NLGN1: variants seen among roughly 807,000 people sequenced by gnomAD.
NLGN1 encodes the protein neuroligin 1, also known as neuroligin-1.
In NLGN1, 12 loss-of-function variants were observed where a neutral mutation model predicts 65.5. That is an observed-to-expected ratio of 0.18 (90% CI 0.12 to 0.30). The LOEUF (loss-of-function observed/expected upper bound fraction) is 0.30. NLGN1 is among the 10% of genes least tolerant of loss of function. NLGN1 has a pLI of 1.00. For synonymous variants in NLGN1, 350 were observed against 359.5 expected (o/e 0.97, Z 0.30); for missense variants, 750 against 1,007.1 (o/e 0.74, Z 3.46).
intron 3 of NLGN1, among the ~76,000 whole-genome samples, chr3:173,742,168 A>G (rs1022656833): frequency 5.3e-5 from 8 of 152,236 alleles, no homozygotes; most frequent in South Asian, 2.1e-4. Flanking sequence ...TTAAGAATGT[A>G]TAGTATATCT....
At chr3:173,685,686 C>T (rs1764582934) in intron 3 of NLGN1, 2 of 985,118 alleles carry the variant, frequency 2.0e-6, no homozygotes, top group African/African-American at 3.5e-5. Context: ...TGTAAGGACT[C>T]AAATCCAGGA....
chr3:173,624,829 A>G (rs1234097841), intron 3 of NLGN1, among the ~76,000 whole-genome samples: 3 of 105,540 alleles, frequency 2.8e-5, no homozygotes, highest in African/African-American at 9.4e-5. Flanking sequence ...GAAGATGACG[A>G]TTTATAATTG....
intron 3 of NLGN1, among the ~76,000 whole-genome samples, chr3:173,690,007 G>A (rs978380145): frequency 2.0e-5 from 3 of 152,128 alleles, no homozygotes; most frequent in African/African-American, 7.2e-5. Flanking sequence ...GAAGTTTGAA[G>A]AGATTGAGTG....
intron 2 of NLGN1, among the ~76,000 whole-genome samples, chr3:173,529,023 A>G (rs7652570): frequency 0.05 from 7,605 of 152,280 alleles, 230 homozygotes; most frequent in Middle Eastern, 0.17. Context: ...ACATGGTACC[A>G]GAATTCTTAT....
At chr3:173,599,326 G>A (rs1337626572) in intron 2 of NLGN1, among the ~76,000 whole-genome samples, 4 of 152,100 alleles carry the variant, frequency 2.6e-5, no homozygotes, top group African/African-American at 9.7e-5. Flanking sequence ...AGCAGAAGAA[G>A]GATATGCATT....
intron 4 of NLGN1, among the ~76,000 whole-genome samples, chr3:174,007,039 G>A (rs937381987): frequency 7.2e-5 from 11 of 152,132 alleles, no homozygotes; most frequent in African/African-American, 2.4e-4. Context: ...TTGCACTGCA[G>A]CCAGTGTGAC....
At chr3:173,882,822 G>A (rs529824090) in intron 4 of NLGN1, among the ~76,000 whole-genome samples, 1 of 152,176 alleles carries the variant, frequency 6.6e-6, no homozygotes, top group Admixed American at 6.5e-5. Context: ...TCACAACTGG[G>A]CTGTTTAGTG....
chr3:173,470,830 A>G (rs1576847556), intron 2 of NLGN1, among the ~76,000 whole-genome samples: 1 of 152,130 alleles, frequency 6.6e-6, no homozygotes, highest in African/African-American at 2.4e-5. Context: ...TCATCTTCAT[A>G]TCTCCAGCCT....
intron 3 of NLGN1, among the ~76,000 whole-genome samples, chr3:173,758,635 T>C (rs1777487059): frequency 6.6e-6 from 1 of 152,008 alleles, no homozygotes; most frequent in South Asian, 2.1e-4. Flanking sequence ...GCTCTGACTT[T>C]TGTAACATAT....
At chr3:174,217,148 A>G (rs1303205515) in intron 4 of NLGN1, among the ~76,000 whole-genome samples, 1 of 152,090 alleles carries the variant, frequency 6.6e-6, no homozygotes, top group Admixed American at 6.6e-5. Context: ...AGTGGTTTTC[A>G]GCTTGTGACA....
chr3:173,853,364 T>A (rs550859039), intron 4 of NLGN1, among the ~76,000 whole-genome samples: 1 of 152,338 alleles, frequency 6.6e-6, no homozygotes, highest in African/African-American at 2.4e-5. Context: ...CTAGCTTCAG[T>A]GCATCTGAAA....
At chr3:174,197,349 G>A (rs778411299) in intron 4 of NLGN1, among the ~76,000 whole-genome samples, 31 of 151,916 alleles carry the variant, frequency 2.0e-4, no homozygotes, top group Admixed American at 1.2e-3. Context: ...GAACCAAGCC[G>A]TCTTGGTGGA....
chr3:173,673,300 T>C (rs188271895), intron 3 of NLGN1, among the ~76,000 whole-genome samples: 91 of 152,350 alleles, frequency 6.0e-4, no homozygotes, highest in Admixed American at 2.2e-3. Flanking sequence ...TAATCCCTGA[T>C]ACAACTCTTA....
chr3:173,504,636 CCT>C (rs1352280160), intron 2 of NLGN1, among the ~76,000 whole-genome samples: 1 of 152,022 alleles, frequency 6.6e-6, no homozygotes, highest in Non-Finnish European at 1.5e-5. Flanking sequence ...ATTTCCATGT[CCT>C]CTTTTCTCTT....
chr3:174,233,952 A>G (rs1741192023), intron 4 of NLGN1, among the ~76,000 whole-genome samples: 1 of 152,154 alleles, frequency 6.6e-6, no homozygotes, highest in Non-Finnish European at 1.5e-5. Context: ...TTATATGTTG[A>G]CATACAGTTT....
intron 4 of NLGN1, among the ~76,000 whole-genome samples, chr3:174,044,322 C>G (rs1733037932): frequency 6.6e-6 from 1 of 152,150 alleles, no homozygotes; most frequent in Admixed American, 6.5e-5. Context: ...CTCCAGCCAG[C>G]TTGAATTTCT....
At chr3:174,079,847 G>A (rs999262595) in intron 4 of NLGN1, among the ~76,000 whole-genome samples, 2 of 152,044 alleles carry the variant, frequency 1.3e-5, no homozygotes, top group Non-Finnish European at 2.9e-5. Context: ...AAAACACATG[G>A]ACTCATAGAG....
chr3:174,253,494 T>C (rs1284010531), intron 4 of NLGN1, among the ~76,000 whole-genome samples: 1 of 152,150 alleles, frequency 6.6e-6, no homozygotes, highest in Non-Finnish European at 1.5e-5. Flanking sequence ...CAGAGATTAG[T>C]TTCACTTTTT....
At chr3:173,683,387 G>A (rs927707316) in intron 3 of NLGN1, among the ~76,000 whole-genome samples, 2 of 152,060 alleles carry the variant, frequency 1.3e-5, no homozygotes, top group Non-Finnish European at 2.9e-5. Flanking sequence ...GGGAAATAGA[G>A]TTGAAATTCC....
Sources: gnomAD v4.1 joint callset for allele counts (sites outside exome capture counted in the v4.1 genomes callset) on GRCh38, gnomAD v4.1.1 for gene constraint, MANE v1.5 for transcripts, NCBI Gene and HGNC (gene_info 2026-07-23, HGNC 2026-07-21) for gene names.